The following HTT-AS variants were observed in gnomAD, a reference collection of about 807,000 sequenced individuals.
HTT-AS encodes HTT antisense RNA (head to head).
chr4:3,049,089 A>G (rs542070470), downstream of HTT-AS, among the ~76,000 whole-genome samples: 2 of 152,326 alleles, frequency 1.3e-5, no homozygotes, highest in South Asian at 2.1e-4. Flanking sequence ...TTTCATTTCT[A>G]TTATTCATAG....
chr4:3,072,016 C>T (rs1712184813), intron 1 of HTT-AS, among the ~76,000 whole-genome samples: 1 of 152,236 alleles, frequency 6.6e-6, no homozygotes, highest in South Asian at 2.1e-4. Flanking sequence ...ATCACCCCAG[C>T]ACTGTGGCTT....
downstream of HTT-AS, among the ~76,000 whole-genome samples, chr4:3,047,139 G>A (rs560582846): frequency 4.6e-5 from 7 of 152,152 alleles, no homozygotes; most frequent in Middle Eastern, 3.4e-3. Context: ...GTGAAACCCC[G>A]TCTCTACTAA....
At chr4:3,070,696 A>G (rs1188024044) in intron 1 of HTT-AS, among the ~76,000 whole-genome samples, 1 of 152,132 alleles carries the variant, frequency 6.6e-6, no homozygotes, top group Non-Finnish European at 1.5e-5. Flanking sequence ...TCCCTGTGTC[A>G]CAAGTGCTCA....
At chr4:3,054,258 T>C (rs1387303077) in intron 2 of HTT-AS, among the ~76,000 whole-genome samples, 1 of 151,564 alleles carries the variant, frequency 6.6e-6, no homozygotes, top group Non-Finnish European at 1.5e-5. Flanking sequence ...TAAAGTAAAA[T>C]AACTGGTTGT....
At chr4:3,071,708 G>C (rs953006972) in intron 1 of HTT-AS, among the ~76,000 whole-genome samples, 1 of 152,130 alleles carries the variant, frequency 6.6e-6, no homozygotes, top group East Asian at 1.9e-4. Flanking sequence ...TCTTTAAGGA[G>C]GTAAGGAGGC....
intron 2 of HTT-AS, among the ~76,000 whole-genome samples, chr4:3,051,030 TTGTG>T (rs59615689): frequency 0.074 from 9,001 of 122,414 alleles, 357 homozygotes; most frequent in African/African-American, 0.12. Flanking sequence ...CCCTTACAAT[TTGTG>T]TGTGTGTGTG....
At chr4:3,057,470 C>A (rs1312410606) in intron 2 of HTT-AS, among the ~76,000 whole-genome samples, 1 of 151,952 alleles carries the variant, frequency 6.6e-6, no homozygotes, top group African/African-American at 2.4e-5. Context: ...CAATGCTGAC[C>A]CCAAGAGAGG....
chr4:3,067,738 G>A (rs140338329), intron 1 of HTT-AS, among the ~76,000 whole-genome samples: 1 of 152,254 alleles, frequency 6.6e-6, no homozygotes, highest in East Asian at 1.9e-4. Context: ...CACCGAGGGG[G>A]ATCTGCGTTC....
chr4:3,054,871 C>T (rs908290973), intron 2 of HTT-AS, among the ~76,000 whole-genome samples: 4 of 151,846 alleles, frequency 2.6e-5, no homozygotes, highest in Non-Finnish European at 4.4e-5. Flanking sequence ...CTTGCCAGCA[C>T]GCCTGGCTAA....
intron 1 of HTT-AS, among the ~76,000 whole-genome samples, chr4:3,067,839 T>C (rs1298650680): frequency 1.3e-5 from 2 of 152,162 alleles, no homozygotes; most frequent in Admixed American, 6.5e-5. Context: ...TCGAGGGCCA[T>C]CTGGCCAACA....
chr4:3,069,668 C>T (rs1368700115), intron 1 of HTT-AS, among the ~76,000 whole-genome samples: 2 of 152,256 alleles, frequency 1.3e-5, no homozygotes, highest in South Asian at 4.1e-4. Context: ...CACCTAGAAC[C>T]TAAGGAAACA....
chr4:3,072,866 G>A (rs779806675), intron 1 of HTT-AS, among the ~76,000 whole-genome samples: 5 of 152,232 alleles, frequency 3.3e-5, no homozygotes, highest in Non-Finnish European at 7.3e-5. Flanking sequence ...GACCTCTGGT[G>A]ATCTGCCTGC....
At chr4:3,052,725 A>G (rs1711726731) in intron 2 of HTT-AS, among the ~76,000 whole-genome samples, 1 of 152,284 alleles carries the variant, frequency 6.6e-6, no homozygotes, top group South Asian at 2.1e-4. Context: ...ATGGTGGCTC[A>G]CGCCTGTAAT....
Position 3,053,454 on chromosome 4 carries a change from A to G in HTT-AS, n.1381-3756T>C, listed in dbSNP as rs190261810. ...AGGCTGAGGCAGGAGAATCACTTGA[A>G]CTCAGGAGGTGGAGGTTGCCCTGAG... On this transcript the variant is annotated intron_variant and non_coding_transcript_variant, in intron 2 of 2. Coordinates refer to ENST00000664062, the Ensembl canonical transcript of HTT-AS. Among the ~76,000 whole-genome samples, 3 of 152,196 alleles carry G rather than the reference A, an allele frequency of 2.0e-5. No individual in the cohort carries two copies. The East Asian group carries it at 5.8e-4, about 29-fold the overall frequency.
intron 1 of HTT-AS, among the ~76,000 whole-genome samples, chr4:3,068,636 C>T (rs913400859): frequency 1.3e-5 from 2 of 148,950 alleles, no homozygotes. Flanking sequence ...TCTTTTGTAA[C>T]ATATATGTGT....
intron 2 of HTT-AS, among the ~76,000 whole-genome samples, chr4:3,056,445 A>G (rs896121187): frequency 1.3e-5 from 2 of 152,158 alleles, no homozygotes; most frequent in Admixed American, 1.3e-4. Flanking sequence ...GGCTGCTGGG[A>G]TTGGCAAAGA....
chr4:3,060,420 T>C (rs1488884357), intron 2 of HTT-AS, among the ~76,000 whole-genome samples: 1 of 152,184 alleles, frequency 6.6e-6, no homozygotes, highest in Non-Finnish European at 1.5e-5. Flanking sequence ...CAAGTGATCC[T>C]TCCACCTCTG....
At chr4:3,057,683 T>A (rs1235825000) in intron 2 of HTT-AS, among the ~76,000 whole-genome samples, 1 of 152,112 alleles carries the variant, frequency 6.6e-6, no homozygotes, top group Non-Finnish European at 1.5e-5. Context: ...TTGCCCAGGC[T>A]GGAGTGCAGT....
chr4:3,061,875 G>A (rs113741781), intron 2 of HTT-AS, among the ~76,000 whole-genome samples: 21 of 150,998 alleles, frequency 1.4e-4, no homozygotes, highest in South Asian at 4.2e-4. Context: ...CCAGCTACTC[G>A]GCAGGCTGAG....
Sources: gnomAD v4.1 joint callset for allele counts (sites outside exome capture counted in the v4.1 genomes callset) on GRCh38, gnomAD v4.1.1 for gene constraint, MANE v1.5 for transcripts, NCBI Gene and HGNC (gene_info 2026-07-23, HGNC 2026-07-21) for gene names.